Variants in ZNF385D observed in about 807,000 individuals in gnomAD.
The protein encoded by ZNF385D is zinc finger protein 385D, also known as zinc finger protein 659.
ZNF385D carries 15 observed loss-of-function variants against 35.8 expected under a neutral mutation model. The observed-to-expected ratio is 0.42, with a 90% CI of 0.28 to 0.64. The LOEUF (loss-of-function observed/expected upper bound fraction) is 0.64, where lower values mean the gene tolerates loss of function less well. ZNF385D is among the 30% of genes least tolerant of loss of function. The pLI, the probability that ZNF385D is intolerant of heterozygous loss-of-function variation, is 0.23. For synonymous variants in ZNF385D, 212 were observed against 186.8 expected, an observed-to-expected ratio of 1.13 and a Z score of -1.10; for missense variants, 474 against 494.6, an observed-to-expected ratio of 0.96 and a Z score of 0.39.
intron 3 of ZNF385D, among the ~76,000 whole-genome samples, chr3:22,014,948 TGAG>T (rs1219473955): frequency 6.6e-6 from 1 of 152,120 alleles, no homozygotes; most frequent in Non-Finnish European, 1.5e-5. Context: ...TACAAATATT[TGAG>T]GAGTGAATTA....
chr3:21,866,907 T>C (rs369019797), intron 3 of ZNF385D, among the ~76,000 whole-genome samples: 9 of 152,158 alleles, frequency 5.9e-5, no homozygotes, highest in African/African-American at 2.2e-4. Flanking sequence ...CAGTGCCTAT[T>C]AGAATGAAAT....
chr3:21,929,315 T>C lies in ZNF385D; in HGVS notation c.325+239502A>G, dbSNP rs139575321. On this transcript the variant is annotated intron_variant, in intron 3 of 5. Coordinates refer to the ZNF385D transcript ENST00000494108. ...ACTAGGGATTAAAAAAAGAACTTTC[T>C]CAAACTAATAAAGGGCATCTATAAA... is the stretch of plus-strand genomic sequence containing the variant. Among the ~76,000 whole-genome samples the C allele has an allele frequency of 9.9e-5, 15 of 152,162 alleles. No homozygotes were observed. In the East Asian group the frequency reaches 2.9e-3, roughly 29 times the overall value.
intron 3 of ZNF385D, among the ~76,000 whole-genome samples, chr3:21,933,161 T>C (rs1214685289): frequency 6.6e-6 from 1 of 152,216 alleles, no homozygotes; most frequent in Admixed American, 6.5e-5. Flanking sequence ...AGCTATATAT[T>C]TAAAGACCAA....
chr3:21,768,215 T>C (rs1045734967), intron 3 of ZNF385D, among the ~76,000 whole-genome samples: 1 of 152,128 alleles, frequency 6.6e-6, no homozygotes, highest in Admixed American at 6.6e-5. Flanking sequence ...TTCTTAAAGA[T>C]AGAGTTATTA....
At chr3:21,632,619 T>C (rs565557506) in intron 2 of ZNF385D, among the ~76,000 whole-genome samples, 1 of 152,182 alleles carries the variant, frequency 6.6e-6, no homozygotes, top group South Asian at 2.1e-4. Flanking sequence ...TAATGCACCA[T>C]ACAAATTGGA....
chr3:22,276,221 A>G (rs1174560355), intron 2 of ZNF385D, among the ~76,000 whole-genome samples: 4 of 152,164 alleles, frequency 2.6e-5, no homozygotes, highest in Admixed American at 6.6e-5. Flanking sequence ...TGGAATATCA[A>G]TGGAGAAAAC....
chr3:21,589,395 TAAAG>T (rs1333958290), intron 2 of ZNF385D, among the ~76,000 whole-genome samples: 14 of 152,212 alleles, frequency 9.2e-5, no homozygotes, highest in East Asian at 3.9e-4. Context: ...CTCTTAAAAA[TAAAG>T]AAATGAATTT....
chr3:21,425,211 A>G (rs1358341556), intron 6 of ZNF385D, among the ~76,000 whole-genome samples: 1 of 152,216 alleles, frequency 6.6e-6, no homozygotes, highest in African/African-American at 2.4e-5. Flanking sequence ...TTCTCCACCC[A>G]CTCTTCGTAT....
intron 3 of ZNF385D, among the ~76,000 whole-genome samples, chr3:22,145,146 G>C (rs1006559025): frequency 2.6e-5 from 4 of 152,108 alleles, no homozygotes; most frequent in Non-Finnish European, 5.9e-5. Context: ...GCTATTACTA[G>C]AGACTTTCTT....
At position 21,905,551 on chromosome 3, in the gene ZNF385D, A is replaced by T. The variant is rs189677467; in HGVS notation, c.326-240523T>A. Among the ~76,000 whole-genome samples, 277 of 151,188 alleles carry T rather than the reference A, an allele frequency of 1.8e-3. 2 individuals are homozygous for T. Among genetic ancestry groups the T allele is most frequent in the African/African-American group, 6.4e-3 (260 of 40,578 alleles). On this transcript the variant is annotated intron_variant, in intron 3 of 5. Coordinates refer to the ZNF385D transcript ENST00000494108. The stretch of plus-strand genomic sequence containing the variant: ...CTCTTCAGAATCTGGAAGATAAAAA[A>T]TGAAAGGAAGGAAAGCAAATGATGG...
At chr3:21,895,758 A>T (rs1041476033) in intron 3 of ZNF385D, among the ~76,000 whole-genome samples, 1 of 152,104 alleles carries the variant, frequency 6.6e-6, no homozygotes, top group Non-Finnish European at 1.5e-5. Context: ...CAACTAGGTA[A>T]TATTTAGGAA....
At chr3:21,598,167 G>C (rs1388579581) in intron 2 of ZNF385D, among the ~76,000 whole-genome samples, 1 of 152,132 alleles carries the variant, frequency 6.6e-6, no homozygotes, top group Non-Finnish European at 1.5e-5. Flanking sequence ...AATAAATGCT[G>C]ATGTTTTCAT....
chr3:21,499,913 T>C (rs940295660), intron 4 of ZNF385D, among the ~76,000 whole-genome samples: 1 of 152,186 alleles, frequency 6.6e-6, no homozygotes, highest in Non-Finnish European at 1.5e-5. Flanking sequence ...GGGATTAATA[T>C]GCTTTCTGCC....
At chr3:22,236,385 A>C (rs926444868) in intron 2 of ZNF385D, among the ~76,000 whole-genome samples, 1 of 152,088 alleles carries the variant, frequency 6.6e-6, no homozygotes, top group African/African-American at 2.4e-5. Context: ...AGGCTAGAGA[A>C]GAGAGGAGTA....
At chr3:21,769,769 G>T (rs530937046) in intron 3 of ZNF385D, among the ~76,000 whole-genome samples, 6 of 138,266 alleles carry the variant, frequency 4.3e-5, no homozygotes, top group Admixed American at 1.5e-4. Flanking sequence ...AAAAGAGCCC[G>T]CATTGCCAAG....
intron 4 of ZNF385D, among the ~76,000 whole-genome samples, chr3:21,492,483 T>C (rs1293787111): frequency 6.6e-6 from 1 of 150,888 alleles, no homozygotes; most frequent in African/African-American, 2.4e-5. Context: ...CTCTTCGTAT[T>C]ACTAAAAAAA....
At chr3:21,761,241 G>T (rs867797307) in intron 3 of ZNF385D, among the ~76,000 whole-genome samples, 1 of 152,304 alleles carries the variant, frequency 6.6e-6, no homozygotes, top group South Asian at 2.1e-4. Context: ...ATTCATGAGA[G>T]ACTCCTAGTC....
chr3:22,181,126 T>C (rs1288191423), intron 2 of ZNF385D, among the ~76,000 whole-genome samples: 2 of 152,140 alleles, frequency 1.3e-5, no homozygotes, highest in Non-Finnish European at 2.9e-5. Context: ...ACAATTCTTA[T>C]AAATGTCATA....
chr3:21,896,686 A>T (rs552242260), intron 3 of ZNF385D, among the ~76,000 whole-genome samples: 2 of 152,308 alleles, frequency 1.3e-5, no homozygotes, highest in South Asian at 4.1e-4. Context: ...GCAATGATGC[A>T]TGGATATGAG....
Sources: allele counts gnomAD v4.1 joint callset (sites outside exome capture counted in the v4.1 genomes callset), GRCh38; gene constraint gnomAD v4.1.1; transcripts MANE v1.5; gene names NCBI Gene and HGNC (gene_info 2026-07-23, HGNC 2026-07-21).